Variants in PLEKHA7 observed in about 807,000 individuals in gnomAD.
PLEKHA7 encodes the protein pleckstrin homology domain containing A7.
In PLEKHA7, 104 loss-of-function variants were observed where a neutral mutation model predicts 170.0. The ratio of observed to expected loss-of-function variants is 0.61; its 90% CI spans 0.52 to 0.72. The LOEUF is 0.72. Among genes scored for constraint, PLEKHA7 ranks in the 30% least tolerant of loss-of-function variants. The pLI, the probability that PLEKHA7 is intolerant of heterozygous loss-of-function variation, is 0.00. For missense variants in PLEKHA7, 1,615 were observed against 1,671.7 expected, an observed-to-expected ratio of 0.97 and a Z score of 0.59; for synonymous variants, 648 against 660.8, an observed-to-expected ratio of 0.98 and a Z score of 0.30.
Position 16,905,309 on chromosome 11 carries a change from T to C in PLEKHA7, c.222-34127A>G, listed in dbSNP as rs1484125428. On this transcript the variant is annotated intron_variant, in intron 3 of 26. Transcript: ENST00000531066. ...AATAAATGTTATTTCCCCACTCTTC[T>C]ATAAAATCCAGAAGATACATTAAGG... is the stretch of plus-strand genomic sequence containing the variant. 5.9e-5 allele frequency among the ~76,000 whole-genome samples: 9 copies of C among 152,212 alleles called. No individual in the cohort carries two copies. In the East Asian group the frequency reaches 9.6e-4, roughly 16 times the overall value.
chr11:16,992,381 C>T (rs1039456203), intron 3 of PLEKHA7, among the ~76,000 whole-genome samples: 2 of 152,214 alleles, frequency 1.3e-5, no homozygotes. Flanking sequence ...TGTCTGTGGT[C>T]TCTGGGTCTG....
At chr11:16,801,868 G>A (rs1347939066) in intron 15 of PLEKHA7, 51 bp from the exon 16 acceptor site, 6 of 1,608,020 alleles carry the variant, frequency 3.7e-6, no homozygotes, top group Non-Finnish European at 5.1e-6. Flanking sequence ...AGTCCCCAGA[G>A]GCCTCCCCAT....
chr11:16,826,261 T>C lies in PLEKHA7; in HGVS notation c.1202A>G (p.Tyr401Cys), dbSNP rs1564968687. 1.9e-6 allele frequency: 3 copies of C among 1,614,220 alleles called. No homozygotes were observed. Among genetic ancestry groups the C allele is most frequent in the East Asian group, 2.2e-5 (1 of 44,872 alleles). Residue 401 changes from tyrosine to cysteine, a missense_variant, in exon 10 of 27, where the codon TAT becomes TGT. Coordinates refer to ENST00000531066, the MANE Select transcript of PLEKHA7 (RefSeq NM_001329630.2). ...AEKNGMLPAS[Y>C]GPGEQNGTGG... ...AGTCCCATTCTGTTCTCCTGGGCCA[T>C]ATGAGGCAGGCAGCATTCCATTCTT... is the stretch of plus-strand genomic sequence containing the variant.
At chr11:16,891,330 T>A (rs930377816) in intron 3 of PLEKHA7, among the ~76,000 whole-genome samples, 4 of 152,128 alleles carry the variant, frequency 2.6e-5, no homozygotes, top group African/African-American at 4.8e-5. Context: ...TAGAGAGCCA[T>A]ATGAAGACAG....
chr11:16,838,747 T>C (rs448648), intron 9 of PLEKHA7, among the ~76,000 whole-genome samples: 90,600 of 145,406 alleles, frequency 0.62, 28,724 homozygotes, highest in East Asian at 0.87. Context: ...CAGGCAGTGG[T>C]GCGATCTCTG....
At chr11:16,928,437 C>T (rs1367643179) in intron 3 of PLEKHA7, among the ~76,000 whole-genome samples, 1 of 151,372 alleles carries the variant, frequency 6.6e-6, no homozygotes, top group Non-Finnish European at 1.5e-5. Flanking sequence ...TTGGTTTTGC[C>T]CCCAGATTTT....
rs559827936 is a variant in PLEKHA7, at chr11:16,853,191, A to T, written c.523-836T>A. The stretch of plus-strand genomic sequence containing the variant: ...TGATGCCCCAGCTGTACAAAAAAAA[A>T]TTTTTTTTTCATTTAAAAAATAGAG... On this transcript the variant is annotated intron_variant, in intron 6 of 26. Transcript: ENST00000531066. 2.4e-4 allele frequency among the ~76,000 whole-genome samples: 36 copies of T among 151,678 alleles called. No individual in the cohort carries two copies. The East Asian group carries it at 3.1e-3, about 13-fold the overall frequency.
intron 3 of PLEKHA7, among the ~76,000 whole-genome samples, chr11:16,873,400 T>C (rs892889696): frequency 3.3e-5 from 5 of 152,168 alleles, no homozygotes; most frequent in Admixed American, 3.3e-4. Context: ...GAGGCCAGGC[T>C]GTTCCTTAGT....
intron 3 of PLEKHA7, among the ~76,000 whole-genome samples, chr11:16,874,948 C>G (rs961803056): frequency 3.9e-5 from 6 of 152,174 alleles, no homozygotes; most frequent in Admixed American, 3.9e-4. Flanking sequence ...CCAACCTGTA[C>G]CAGCTTAAAT....
intron 3 of PLEKHA7, among the ~76,000 whole-genome samples, chr11:16,873,719 TGCAATG>T (rs1855052808): frequency 6.6e-6 from 1 of 152,186 alleles, no homozygotes; most frequent in South Asian, 2.1e-4. Context: ...CAGGCTGGAG[TGCAATG>T]GCGTGATCTC....
chr11:16,897,705 A>G (rs1169828458), intron 3 of PLEKHA7, among the ~76,000 whole-genome samples: 1 of 152,172 alleles, frequency 6.6e-6, no homozygotes, highest in African/African-American at 2.4e-5. Flanking sequence ...CACCTCACAT[A>G]TGCCATTTTG....
chr11:16,954,017 A>G (rs1316555001), intron 3 of PLEKHA7, among the ~76,000 whole-genome samples: 1 of 152,182 alleles, frequency 6.6e-6, no homozygotes, highest in African/African-American at 2.4e-5. Flanking sequence ...GGAAGCTACA[A>G]TTAGTTGGGG....
chr11:16,929,743 G>T (rs1035834173), intron 3 of PLEKHA7, among the ~76,000 whole-genome samples: 1 of 152,230 alleles, frequency 6.6e-6, no homozygotes, highest in Non-Finnish European at 1.5e-5. Flanking sequence ...GGTGGCTCAC[G>T]CCTGTAATCC....
At chr11:16,833,747 T>C (rs974720993) in intron 9 of PLEKHA7, among the ~76,000 whole-genome samples, 1 of 152,144 alleles carries the variant, frequency 6.6e-6, no homozygotes, top group Non-Finnish European at 1.5e-5. Flanking sequence ...ATAAATGGAC[T>C]CTAATAAAGG....
intron 3 of PLEKHA7, among the ~76,000 whole-genome samples, chr11:16,969,305 T>G (rs1862568625): frequency 6.6e-6 from 1 of 152,206 alleles, no homozygotes; most frequent in Non-Finnish European, 1.5e-5. Flanking sequence ...TACAGCCATA[T>G]GGAATCTAAC....
intron 3 of PLEKHA7, among the ~76,000 whole-genome samples, chr11:16,938,992 G>T (rs1038973803): frequency 1.3e-5 from 2 of 152,080 alleles, no homozygotes; most frequent in Non-Finnish European, 2.9e-5. Context: ...ACACAATTTT[G>T]AATTTTAGAA....
chr11:16,907,600 G>A lies in PLEKHA7; in HGVS notation c.222-36418C>T, dbSNP rs1262322968. On this transcript the variant is annotated intron_variant, in intron 3 of 26. Transcript: ENST00000531066. ...CCCCGCCCGGCCAGCCGCCCCGTCCGGGAGGTGAGGGGCGCCTCTGCCTGG... is the reference window on the plus strand; with the variant it reads ...CCCCGCCCGGCCAGCCGCCCCGTCCAGGAGGTGAGGGGCGCCTCTGCCTGG... 1.4e-4 allele frequency among the ~76,000 whole-genome samples: 17 copies of A among 125,128 alleles called. 2 individuals carry two copies. The highest frequency in any genetic ancestry group is 2.3e-4 in the Admixed American group (3 of 13,242). 82.1% of individuals were successfully genotyped at this position (125,128 alleles called of 152,430 possible).
intron 13 of PLEKHA7, chr11:16,807,274 C>T (rs1415677746): frequency 1.2e-6 from 1 of 832,624 alleles, no homozygotes. Context: ...GGTGAGACAT[C>T]AAATGACACT....
intron 3 of PLEKHA7, among the ~76,000 whole-genome samples, chr11:16,872,130 G>A (rs527261079): frequency 7.2e-4 from 109 of 151,904 alleles, no homozygotes; most frequent in African/African-American, 2.2e-3. Flanking sequence ...TACCACGCCC[G>A]GCTTATTTTT....
Sources: gnomAD v4.1 joint callset for allele counts (sites outside exome capture counted in the v4.1 genomes callset) on GRCh38, gnomAD v4.1.1 for gene constraint, MANE v1.5 for transcripts, NCBI Gene and HGNC (gene_info 2026-07-23, HGNC 2026-07-21) for gene names.